Variants in CTNNA2 observed in about 807,000 individuals in gnomAD.
The protein encoded by CTNNA2 is catenin alpha 2.
Under a neutral mutation model 101.0 loss-of-function variants are expected in CTNNA2, and 42 were observed. That is an observed-to-expected ratio of 0.42 (90% CI 0.32 to 0.54). CTNNA2 has a LOEUF of 0.54. Ranked by LOEUF, CTNNA2 falls within the 20% of genes least tolerant of loss-of-function variation. The pLI is 0.14. For missense variants in CTNNA2, 871 were observed against 1,223.1 expected, an observed-to-expected ratio of 0.71 and a Z score of 4.29; for synonymous variants, 450 against 456.4, an observed-to-expected ratio of 0.99 and a Z score of 0.18.
intron 7 of CTNNA2, among the ~76,000 whole-genome samples, chr2:80,124,779 G>C (rs967134531): frequency 1.3e-5 from 2 of 152,076 alleles, no homozygotes; most frequent in South Asian, 2.1e-4. Context: ...CTCTTCCTCT[G>C]AATAAATATG....
At chr2:80,524,518 G>A (rs1023502595) in intron 9 of CTNNA2, among the ~76,000 whole-genome samples, 1 of 152,092 alleles carries the variant, frequency 6.6e-6, no homozygotes, top group African/African-American at 2.4e-5. Flanking sequence ...CATCTTTGGT[G>A]CTGACTTCCA....
chr2:79,997,454 CA>C (rs1186797419), intron 7 of CTNNA2, among the ~76,000 whole-genome samples: 3 of 151,788 alleles, frequency 2.0e-5, no homozygotes, highest in Non-Finnish European at 4.4e-5. Context: ...GAAGCCAGAC[CA>C]AACCAAACAA....
chr2:79,304,635 G>C (rs534943280), intron 2 of CTNNA2, among the ~76,000 whole-genome samples: 2 of 152,278 alleles, frequency 1.3e-5, no homozygotes, highest in South Asian at 4.1e-4. Context: ...TTCTTTTTCT[G>C]TTAAAATACA....
intron 18 of CTNNA2, among the ~76,000 whole-genome samples, chr2:80,647,066 G>C (rs528415714): frequency 1.3e-5 from 2 of 151,796 alleles, no homozygotes; most frequent in East Asian, 3.9e-4. Flanking sequence ...TTATATAGGA[G>C]GTATACTGAG....
chr2:79,441,494 C>G (rs951217294), intron 4 of CTNNA2, among the ~76,000 whole-genome samples: 1 of 152,108 alleles, frequency 6.6e-6, no homozygotes, highest in Non-Finnish European at 1.5e-5. Context: ...AGCATGACAC[C>G]TGGGAAACAT....
rs567823253 is a variant in CTNNA2, at chr2:79,321,793, G to GCGCA, written c.-318+8998_-318+8999insGCAC. Among the ~76,000 whole-genome samples, 302 of 149,174 alleles carry GCGCA rather than the reference G, an allele frequency of 2.0e-3. 2 individuals are homozygous for GCGCA. The highest frequency in any genetic ancestry group is 6.1e-3 in the African/African-American group (250 of 40,808). ...CCTAGTTCCTGCCACCACTGTGTTT[G>GCGCA]CACACACACACACACACACACACAC... On this transcript the variant is annotated intron_variant, in intron 3 of 21. Transcript: ENST00000466387.
intron 1 of CTNNA2, among the ~76,000 whole-genome samples, chr2:79,635,624 C>T (rs1679980085): frequency 6.6e-6 from 1 of 150,822 alleles, no homozygotes; most frequent in Admixed American, 6.6e-5. Flanking sequence ...CTGCCTCACC[C>T]TCCCAAGTAG....
chr2:80,104,245 T>G (rs924394141), intron 7 of CTNNA2, among the ~76,000 whole-genome samples: 3 of 152,226 alleles, frequency 2.0e-5, no homozygotes, highest in Non-Finnish European at 4.4e-5. Flanking sequence ...CTACTCTTAT[T>G]TATCAGCTAA....
intron 2 of CTNNA2, among the ~76,000 whole-genome samples, chr2:79,248,463 G>A (rs1355667448): frequency 6.6e-6 from 1 of 151,834 alleles, no homozygotes; most frequent in Non-Finnish European, 1.5e-5. Flanking sequence ...AATTTGGTAT[G>A]TCTTTTTATT....
chr2:79,617,030 TAA>T (rs1678671080), intron 1 of CTNNA2, among the ~76,000 whole-genome samples: 1 of 151,922 alleles, frequency 6.6e-6, no homozygotes, highest in East Asian at 1.9e-4. Flanking sequence ...GCCACCAAAG[TAA>T]CTGGGATTAC....
chr2:80,453,565 A>G (rs771067858), intron 9 of CTNNA2, among the ~76,000 whole-genome samples: 15 of 152,134 alleles, frequency 9.9e-5, no homozygotes, highest in Non-Finnish European at 1.9e-4. Flanking sequence ...GAAAGCTGTT[A>G]AAAAAACAAA....
intron 17 of CTNNA2, among the ~76,000 whole-genome samples, chr2:80,613,852 A>G (rs2149793617): frequency 6.6e-6 from 1 of 151,584 alleles, no homozygotes; most frequent in Non-Finnish European, 1.5e-5. Context: ...GATGGATTTG[A>G]TTGTGTCACC....
At chr2:79,967,809 G>A (rs1362029400) in intron 7 of CTNNA2, among the ~76,000 whole-genome samples, 21 of 152,138 alleles carry the variant, frequency 1.4e-4, no homozygotes, top group Admixed American at 1.3e-3. Flanking sequence ...CCAAATGGTG[G>A]AATAACCCAA....
At chr2:80,176,831 G>A (rs563259121) in intron 7 of CTNNA2, among the ~76,000 whole-genome samples, 82 of 152,282 alleles carry the variant, frequency 5.4e-4, no homozygotes, top group African/African-American at 2.0e-3. Flanking sequence ...TGACTTAGAG[G>A]TAGGGGGAGC....
intron 4 of CTNNA2, among the ~76,000 whole-genome samples, chr2:79,483,459 C>T (rs896529631): frequency 2.0e-5 from 3 of 152,182 alleles, no homozygotes; most frequent in Non-Finnish European, 2.9e-5. Context: ...GAACCTCCAC[C>T]ATCTGAAGGT....
At chr2:80,502,206 C>A (rs1687930029) in intron 9 of CTNNA2, among the ~76,000 whole-genome samples, 2 of 152,172 alleles carry the variant, frequency 1.3e-5, no homozygotes, top group East Asian at 3.9e-4. Flanking sequence ...ATATTTGGAA[C>A]TTTTTCACCA....
chr2:79,537,631 G>A (rs1034034993), intron 1 of CTNNA2, among the ~76,000 whole-genome samples: 1 of 152,092 alleles, frequency 6.6e-6, no homozygotes, highest in Admixed American at 6.6e-5. Context: ...AAATTCAGGG[G>A]TTCACCCAGT....
At chr2:79,692,073 A>C (rs868610363) in intron 2 of CTNNA2, among the ~76,000 whole-genome samples, 2 of 152,202 alleles carry the variant, frequency 1.3e-5, no homozygotes, top group Non-Finnish European at 2.9e-5. Flanking sequence ...AACTATCACC[A>C]GAGTGAACAG....
chr2:79,350,001 G>T (rs572330858), intron 3 of CTNNA2, among the ~76,000 whole-genome samples: 1 of 149,556 alleles, frequency 6.7e-6, no homozygotes, highest in Non-Finnish European at 1.5e-5. Context: ...GTGAACCCGG[G>T]AGGCAGAGCT....
Sources: gnomAD v4.1 joint callset for allele counts (sites outside exome capture counted in the v4.1 genomes callset) on GRCh38, gnomAD v4.1.1 for gene constraint, MANE v1.5 for transcripts, NCBI Gene and HGNC (gene_info 2026-07-23, HGNC 2026-07-21) for gene names.